Variants in KIAA1217 observed in about 807,000 individuals in gnomAD.
KIAA1217 encodes the protein KIAA1217, also known as sickle tail protein homolog.
In KIAA1217, 88 loss-of-function variants were observed where a neutral mutation model predicts 163.9. The ratio of observed to expected loss-of-function variants is 0.54; its 90% CI spans 0.45 to 0.64. KIAA1217 has a LOEUF of 0.64. Among genes scored for constraint, KIAA1217 ranks in the 30% least tolerant of loss-of-function variants. The pLI is 0.00. For missense variants in KIAA1217, 2,372 were observed against 2,475.0 expected, an observed-to-expected ratio of 0.96 and a Z score of 0.88; for synonymous variants, 903 against 923.1, an observed-to-expected ratio of 0.98 and a Z score of 0.39.
At chr10:24,401,405 G>A (rs1439410329) in intron 3 of KIAA1217, among the ~76,000 whole-genome samples, 1 of 152,002 alleles carries the variant, frequency 6.6e-6, no homozygotes, top group Non-Finnish European at 1.5e-5. Context: ...AACCAAGCGA[G>A]GTTTATTCCA....
chr10:24,420,325 T>C (rs912194268), intron 3 of KIAA1217, among the ~76,000 whole-genome samples: 1 of 152,240 alleles, frequency 6.6e-6, no homozygotes, highest in Non-Finnish European at 1.5e-5. Flanking sequence ...TTCCCTCTCA[T>C]TGAATTGCCT....
At chr10:23,738,194 A>T (rs545017736) in intron 1 of KIAA1217, among the ~76,000 whole-genome samples, 3 of 152,116 alleles carry the variant, frequency 2.0e-5, no homozygotes, top group Non-Finnish European at 4.4e-5. Flanking sequence ...TTTAAGTTTA[A>T]AATTTTTATG....
chr10:23,850,645 A>C (rs916668683), intron 1 of KIAA1217, among the ~76,000 whole-genome samples: 3 of 152,128 alleles, frequency 2.0e-5, no homozygotes, highest in Non-Finnish European at 4.4e-5. Flanking sequence ...TTAATAAATA[A>C]ATTAACAAAT....
chr10:24,242,424 T>C (rs1177331188), intron 2 of KIAA1217, among the ~76,000 whole-genome samples: 1 of 152,170 alleles, frequency 6.6e-6, no homozygotes, highest in Non-Finnish European at 1.5e-5. Context: ...AAAGAAATGA[T>C]TTCATTCTTT....
At chr10:23,955,627 C>T (rs7905904) in intron 1 of KIAA1217, among the ~76,000 whole-genome samples, 22,059 of 152,042 alleles carry the variant, frequency 0.15, 3,407 homozygotes, top group African/African-American at 0.39. Context: ...GGGAAGGCTG[C>T]GGGTGATGAT....
At chr10:24,298,164 A>ATGTCTCTGCTCATATCAGTCTGCATG (rs1170068567) in intron 2 of KIAA1217, among the ~76,000 whole-genome samples, 1 of 152,214 alleles carries the variant, frequency 6.6e-6, no homozygotes, top group East Asian at 1.9e-4. Context: ...CTATACAGTA[A>ATGTCTCTGCTCATATCAGTCTGCATG]TGTCTCTGCT....
intron 10 of KIAA1217, among the ~76,000 whole-genome samples, chr10:24,514,939 C>T (rs889645504): frequency 2.6e-5 from 4 of 151,708 alleles, no homozygotes; most frequent in African/African-American, 9.7e-5. Context: ...TTGTGGTGAG[C>T]CGAGATTGCA....
chr10:23,724,208 G>A (rs1838014438), intron 1 of KIAA1217, among the ~76,000 whole-genome samples: 1 of 152,194 alleles, frequency 6.6e-6, no homozygotes, highest in Admixed American at 6.5e-5. Flanking sequence ...AATTAGATGT[G>A]AGATTTGGGC....
chr10:24,154,816 A>G (rs558175074), intron 2 of KIAA1217, among the ~76,000 whole-genome samples: 1 of 152,080 alleles, frequency 6.6e-6, no homozygotes, highest in East Asian at 1.9e-4. Flanking sequence ...ATCAGAATAG[A>G]GAATACTCCT....
chr10:24,408,335 A>G (rs890968111), intron 3 of KIAA1217, among the ~76,000 whole-genome samples: 2 of 152,124 alleles, frequency 1.3e-5, no homozygotes, highest in Non-Finnish European at 2.9e-5. Flanking sequence ...CTCCGAATGT[A>G]TATAGATCCT....
Position 24,219,647 on chromosome 10 carries a change from A to G in KIAA1217, c.92A>G (p.His31Arg), listed in dbSNP as rs763081758. 5.6e-6 allele frequency: 9 copies of G among 1,607,606 alleles called. No homozygotes were observed. Among genetic ancestry groups the G allele is most frequent in the African/African-American group, 2.7e-5 (2 of 74,724 alleles). Reference protein sequence around the residue: ...QMQEQGKGNLHVTSPEDAECR... With the variant: ...QMQEQGKGNLRVTSPEDAECR... ...TCAGAACAAGGCAAAGGCAATCTGC[A>G]TGTAACATCACCAGAAGATGCAGAA... is the stretch of plus-strand genomic sequence containing the variant. The change falls in exon 2 of 21, where the codon CAT becomes CGT. Residue 31 changes from histidine to arginine, a missense_variant. His to Arg is a conservative substitution (Grantham distance 29, BLOSUM62 0). Around this residue, in one of 3 missense-constraint regions of KIAA1217, gnomAD observed 1,431 missense variants for 1,470.3 expected, o/e 0.97. Transcript: ENST00000376454.
chr10:24,484,224 C>CATATATATATATATATATATAT (rs1170144059), intron 6 of KIAA1217, among the ~76,000 whole-genome samples: 6 of 90,534 alleles, frequency 6.6e-5, no homozygotes, highest in African/African-American at 2.8e-4. Context: ...GATAGATATA[C>CATATATATATATATATATATAT]ATATATATAT....
Position 24,041,195 on chromosome 10 carries a change from C to T in KIAA1217, c.-171+33821C>T, listed in dbSNP as rs141850146. On this transcript the variant is annotated intron_variant, in intron 2 of 18. Coordinates refer to the KIAA1217 transcript ENST00000376462. Reference sequence around the variant, plus strand: ...TCATAGAGAGTTTGTATAGACTCTCCCCAAGGGAACACAGAATAATCGAGG... The same window carrying T: ...TCATAGAGAGTTTGTATAGACTCTCTCCAAGGGAACACAGAATAATCGAGG... Among the ~76,000 whole-genome samples the T allele has an allele frequency of 6.6e-3, 1,004 of 152,248 alleles. 39 individuals carry two copies. The highest frequency in any genetic ancestry group is 0.061 in the Admixed American group (928 of 15,290).
intron 6 of KIAA1217, among the ~76,000 whole-genome samples, chr10:24,484,861 AG>A (rs1157948504): frequency 6.6e-6 from 1 of 152,134 alleles, no homozygotes; most frequent in Non-Finnish European, 1.5e-5. Flanking sequence ...TTCGGATCTG[AG>A]GGGGGTTGTG....
intron 1 of KIAA1217, among the ~76,000 whole-genome samples, chr10:23,817,986 TATATATATATATATATATA>T (rs1837399027): frequency 8.1e-6 from 1 of 123,810 alleles, no homozygotes; most frequent in South Asian, 2.6e-4. Context: ...TATATATATA[TATATATATATATATATATA>T]TATACACACA....
Position 23,784,043 on chromosome 10 carries a change from AT to A in KIAA1217, c.-321+88811del, listed in dbSNP as rs1835377054. 3.3e-5 allele frequency among the ~76,000 whole-genome samples: 5 copies of A among 152,104 alleles called. No homozygotes were observed. In the South Asian group the frequency reaches 1.0e-3, roughly 32 times the overall value. The stretch of plus-strand genomic sequence containing the variant: ...TGCATTTTTTATACTCTAATGAAGT[AT>A]TGAAGTCTCCTGCTATTATTGTATT... On this transcript the variant is annotated intron_variant, in intron 1 of 18. Transcript: ENST00000376462.
At chr10:24,209,101 C>A, upstream of KIAA1217, 1 of 1,073,038 alleles carries the variant, frequency 9.3e-7, no homozygotes, top group Non-Finnish European at 1.4e-6. Context: ...TCCTCCCCAG[C>A]CCCGGGCCCC....
intron 1 of KIAA1217, among the ~76,000 whole-genome samples, chr10:23,696,928 T>A (rs1836081947): frequency 6.6e-6 from 1 of 152,174 alleles, no homozygotes; most frequent in South Asian, 2.1e-4. Context: ...ACGAAAACTG[T>A]CATGCTAGGG....
intron 2 of KIAA1217, among the ~76,000 whole-genome samples, chr10:24,256,189 G>C (rs1431517073): frequency 2.0e-5 from 3 of 152,108 alleles, no homozygotes; most frequent in African/African-American, 7.2e-5. Context: ...GTGCAGATGA[G>C]GTCTGGCATG....
Sources: gnomAD v4.1 joint callset for allele counts (sites outside exome capture counted in the v4.1 genomes callset) on GRCh38, gnomAD v4.1.1 for gene constraint, gnomAD v4.1.1 regional missense constraint, MANE v1.5 for transcripts, NCBI Gene and HGNC (gene_info 2026-07-23, HGNC 2026-07-21) for gene names.